The following GATB variants were observed in gnomAD, a reference collection of about 807,000 sequenced individuals.
GATB encodes the protein glutamyl-tRNA amidotransferase subunit B.
GATB carries 39 observed loss-of-function variants against 62.3 expected under a neutral mutation model. The observed-to-expected ratio is 0.63, with a 90% CI of 0.48 to 0.82. The LOEUF (loss-of-function observed/expected upper bound fraction) is 0.82. GATB is among the 40% of genes least tolerant of loss of function. The pLI is 0.00. For synonymous variants in GATB, 276 were observed against 258.9 expected (o/e 1.07, Z -0.63); for missense variants, 670 against 684.0 (o/e 0.98, Z 0.23).
rs966650651 is a variant in GATB at position 151,719,376 on chromosome 4, G to T, written c.441+49C>A. The T allele has an allele frequency of 2.2e-6, 3 of 1,348,604 alleles. No homozygotes were observed. The East Asian group carries it at 7.0e-5, about 31-fold the overall frequency. 83.5% of individuals were successfully genotyped at this position (1,348,604 alleles called of 1,614,324 possible). ...TGCTCCGACCCCCCACAGCAGGGCTGGCCCAGCTCTGAGAACTTGCAGTGG... is the reference window on the plus strand; with the variant it reads ...TGCTCCGACCCCCCACAGCAGGGCTTGCCCAGCTCTGAGAACTTGCAGTGG... On this transcript the variant is annotated intron_variant, in intron 3 of 12. Transcript: ENST00000263985.
chr4:151,732,602 C>G (rs1490559016), intron 2 of GATB, among the ~76,000 whole-genome samples: 1 of 151,876 alleles, frequency 6.6e-6, no homozygotes, highest in Non-Finnish European at 1.5e-5. Context: ...GGGTCCTCTG[C>G]CTAGGAAAAC....
chr4:151,672,639 A>G, intron 12 of GATB, 123 bp downstream of exon 12: 1 of 957,142 alleles, frequency 1.0e-6, no homozygotes, highest in Non-Finnish European at 1.6e-6. Context: ...TGAGGGAATT[A>G]TTGATGAAAC....
At position 151,726,573 on chromosome 4, in the gene GATB, T is replaced by C. The variant is rs552147274; in HGVS notation, c.328-7035A>G. On this transcript the variant is annotated intron_variant, in intron 2 of 12. Coordinates refer to ENST00000263985, the MANE Select transcript of GATB (RefSeq NM_004564.3). Reference sequence around the variant, plus strand: ...AGGAGAATGTGAAGGCTACATTTCCTCTTTTGTTTAAATCCCTCTTTCCCG... The same window carrying C: ...AGGAGAATGTGAAGGCTACATTTCCCCTTTTGTTTAAATCCCTCTTTCCCG... 3.3e-5 allele frequency among the ~76,000 whole-genome samples: 5 copies of C among 152,330 alleles called. No individual in the cohort carries two copies. The East Asian group carries it at 9.6e-4, about 29-fold the overall frequency.
At chr4:151,757,138 C>T (rs1028825049) in intron 2 of GATB, among the ~76,000 whole-genome samples, 2 of 152,190 alleles carry the variant, frequency 1.3e-5, no homozygotes, top group African/African-American at 4.8e-5. Flanking sequence ...AAAATATTCA[C>T]TCTTCTCAAA....
At chr4:151,703,533 G>A in intron 8 of GATB, 1 of 375,672 alleles carries the variant, frequency 2.7e-6, no homozygotes, top group Non-Finnish European at 4.9e-6. Flanking sequence ...ATTAGAATAA[G>A]AACAGCCTAG....
intron 11 of GATB, 33 bp from the exon 12 acceptor site, chr4:151,672,929 T>A: frequency 6.2e-7 from 1 of 1,611,348 alleles, no homozygotes; most frequent in Non-Finnish European, 8.5e-7. Flanking sequence ...GAAAGAGAAA[T>A]GAGAAGTCAG....
At chr4:151,747,567 T>A (rs1405013337) in intron 2 of GATB, among the ~76,000 whole-genome samples, 1 of 152,192 alleles carries the variant, frequency 6.6e-6, no homozygotes, top group Non-Finnish European at 1.5e-5. Flanking sequence ...GATACCTCCA[T>A]AGTCCAGGGT....
At chr4:151,737,085 G>A (rs1342457742) in intron 2 of GATB, among the ~76,000 whole-genome samples, 1 of 152,224 alleles carries the variant, frequency 6.6e-6, no homozygotes, top group Non-Finnish European at 1.5e-5. Context: ...AGTGACTTTC[G>A]ATCTGGGTAC....
At chr4:151,692,400 A>G (rs1738384625) in intron 9 of GATB, among the ~76,000 whole-genome samples, 1 of 152,160 alleles carries the variant, frequency 6.6e-6, no homozygotes. Context: ...ACTTTCCCAC[A>G]CTTCCATTAT....
Position 151,687,691 on chromosome 4 carries a change from T to C in GATB, c.1331+939A>G, listed in dbSNP as rs143938931. ...AGAGGTCACGAGGGTGTGGTCCCCA[T>C]AGTGGGAATGGGGATCCTATAAGAA... On this transcript the variant is annotated intron_variant, in intron 10 of 12. Coordinates refer to ENST00000263985, the MANE Select transcript of GATB (RefSeq NM_004564.3). Among the ~76,000 whole-genome samples, 402 of 152,266 alleles carry C rather than the reference T, an allele frequency of 2.6e-3. 2 individuals carry two copies. Among genetic ancestry groups the C allele is most frequent in the Non-Finnish European group, 4.8e-3 (328 of 68,026 alleles).
Position 151,730,419 on chromosome 4 carries a change from C to T in GATB, c.328-10881G>A, listed in dbSNP as rs1001700758. Among the ~76,000 whole-genome samples, 6 of 152,234 alleles carry T rather than the reference C, an allele frequency of 3.9e-5. No homozygotes were observed. The highest frequency in any genetic ancestry group is 1.4e-4 in the African/African-American group (6 of 41,454). ...CCACCACTGGTCCCTCTCCATACTA[C>T]AGCTAATGCTCTCTGGAAAGCACCA... is the stretch of plus-strand genomic sequence containing the variant. On this transcript the variant is annotated intron_variant, in intron 2 of 12. Coordinates refer to ENST00000263985, the MANE Select transcript of GATB (RefSeq NM_004564.3). This position sits in a 1 kb window ranked among gnomAD's most constrained non-coding sequence, Gnocchi z 4.1.
intron 10 of GATB, among the ~76,000 whole-genome samples, chr4:151,686,228 C>T (rs570107443): frequency 2.6e-5 from 4 of 151,968 alleles, no homozygotes; most frequent in Non-Finnish European, 4.4e-5. Context: ...CTCTGAGGCA[C>T]GTCCTGCCAT....
At chr4:151,753,021 C>T (rs565978074) in intron 2 of GATB, among the ~76,000 whole-genome samples, 1 of 152,222 alleles carries the variant, frequency 6.6e-6, no homozygotes, top group South Asian at 2.1e-4. Flanking sequence ...GAAGCTCCTG[C>T]AGATTCTTGC....
intron 9 of GATB, among the ~76,000 whole-genome samples, chr4:151,693,853 C>G (rs754934517): frequency 6.6e-6 from 1 of 152,312 alleles, no homozygotes; most frequent in South Asian, 2.1e-4. Flanking sequence ...GTGAAAATGA[C>G]TTTACATCCT....
chr4:151,678,246 T>C (rs1738051762), intron 11 of GATB, among the ~76,000 whole-genome samples: 1 of 152,230 alleles, frequency 6.6e-6, no homozygotes. Flanking sequence ...TGCTGGAAGC[T>C]GATAAAATCT....
At chr4:151,737,002 T>C (rs1328922585) in intron 2 of GATB, among the ~76,000 whole-genome samples, 1 of 152,100 alleles carries the variant, frequency 6.6e-6, no homozygotes, top group African/African-American at 2.4e-5. Flanking sequence ...TTATCAGCAG[T>C]GTAAAAATGG....
intron 10 of GATB, among the ~76,000 whole-genome samples, chr4:151,686,320 C>A (rs1480910414): frequency 3.3e-5 from 5 of 152,160 alleles, no homozygotes; most frequent in Non-Finnish European, 4.4e-5. Flanking sequence ...GGAACTAACA[C>A]CCGGGCCACA....
chr4:151,722,743 G>A (rs1162357145), intron 2 of GATB: 3 of 153,022 alleles, frequency 2.0e-5, no homozygotes, highest in Non-Finnish European at 2.9e-5. Context: ...TCATGAGGAC[G>A]GGAATTGTCT....
At chr4:151,746,633 G>A (rs1388707714) in intron 2 of GATB, among the ~76,000 whole-genome samples, 1 of 152,132 alleles carries the variant, frequency 6.6e-6, no homozygotes, top group Non-Finnish European at 1.5e-5. Context: ...AGTGAAATGG[G>A]CTGGCTGACC....
Sources: gnomAD v4.1 joint callset for allele counts (sites outside exome capture counted in the v4.1 genomes callset) on GRCh38, gnomAD v4.1.1 for gene constraint, Gnocchi (gnomAD v3.1) non-coding constraint, MANE v1.5 for transcripts, NCBI Gene and HGNC (gene_info 2026-07-23, HGNC 2026-07-21) for gene names.